The following STK25 variants were observed in gnomAD, a reference collection of about 807,000 sequenced individuals.
The protein encoded by STK25 is serine/threonine kinase 25.
Under a neutral mutation model 53.8 loss-of-function variants are expected in STK25, and 29 were observed. The observed-to-expected ratio is 0.54, with a 90% CI of 0.40 to 0.74. The LOEUF (loss-of-function observed/expected upper bound fraction) is 0.74, where lower values mean the gene tolerates loss of function less well. STK25 is among the 30% of genes least tolerant of loss of function. The pLI is 0.00. For synonymous variants in STK25, 247 were observed against 238.3 expected (o/e 1.04, Z -0.33); for missense variants, 420 against 568.0 (o/e 0.74, Z 2.65).
intron 1 of STK25, 48 bp downstream of exon 1, chr2:241,508,395 T>C: frequency 1.2e-6 from 1 of 867,434 alleles, no homozygotes; most frequent in Non-Finnish European, 1.4e-6. Context: ...CCCCTCCCTC[T>C]GCCCCCTCCC....
In STK25 at chr2:241,497,958, G is replaced by GC. The variant is rs2065273152; in HGVS notation, c.1033-272dup. The stretch of plus-strand genomic sequence containing the variant: ...CTCCCACCCTCTCCTGACTCTGAGG[G>GC]CTTGTGACTCCCACCCTCTCCTGAC... On this transcript the variant is annotated intron_variant, in intron 9 of 11. Coordinates refer to ENST00000316586, the MANE Select transcript of STK25 (RefSeq NM_001271977.2). Among the ~76,000 whole-genome samples the GC allele has an allele frequency of 9.3e-5, 12 of 128,638 alleles. 1 individual carries two copies. The highest frequency in any genetic ancestry group is 4.0e-4 in the Admixed American group (4 of 10,080). 84.4% of individuals were successfully genotyped at this position (128,638 alleles called of 152,430 possible). A position where few individuals can be genotyped will look rare whatever the true frequency, so the allele number is the denominator to read the frequency against.
chr2:241,508,289 C>CTCGCCGCCCCTCCCG (rs1262929292), intron 1 of STK25, 154 bp from the exon 2 acceptor site: 227 of 1,266,768 alleles, frequency 1.8e-4, no homozygotes, highest in Admixed American at 3.0e-4. Context: ...CTCCCGGGGG[C>CTCGCCGCCCCTCCCG]TCGCCGCCCC....
Position 241,495,336 on chromosome 2 carries a change from C to A in STK25, c.*326G>T, listed in dbSNP as rs563094650. ...TGCTCTGCGCCTTGGTCTGAGCGGC[C>A]ATAGGGCTGCATGAGTCTGCAGAAG... On this transcript the variant is annotated 3_prime_UTR_variant, in exon 12 of 12. Transcript: ENST00000316586. The A allele has an allele frequency of 5.5e-5, 18 of 328,270 alleles. No individual in the cohort carries two copies. The South Asian group carries it at 7.7e-4, about 14-fold the overall frequency. The allele number at this position is 328,270 out of a possible 1,614,324, so 20.3% of individuals were successfully genotyped here.
chr2:241,504,455 G>A (rs539551205), intron 2 of STK25, among the ~76,000 whole-genome samples: 58 of 152,260 alleles, frequency 3.8e-4, no homozygotes, highest in Middle Eastern at 3.4e-3. Context: ...GGGTCATTCC[G>A]GTCAAGGTGA....
chr2:241,500,430 T>C, intron 4 of STK25, 149 bp from the exon 5 acceptor site: 1 of 641,012 alleles, frequency 1.6e-6, no homozygotes. Flanking sequence ...AAGTTTCAGA[T>C]GGGAGTGGGG....
upstream of STK25, chr2:241,508,760 C>A: frequency 1.0e-6 from 1 of 985,192 alleles, no homozygotes; most frequent in Non-Finnish European, 1.2e-6. Flanking sequence ...CTCTCTGGGA[C>A]CCCTAGTCCT....
At position 241,499,043 on chromosome 2, in the gene STK25, G is replaced by A. The variant is rs754822121; in HGVS notation, c.717C>T (p.His239=). ...CCACGAACTCCTTGAAGGGCTTGCT[G>A]TGCTGGCCCTCCAGTGTGGGTGGGC... ...KNSPPTLEGQ[H]SKPFKEFVEA... Residue 239 remains histidine (H), a synonymous_variant, in exon 7 of 12, where the codon CAC becomes CAT. Coordinates refer to ENST00000316586, the MANE Select transcript of STK25 (RefSeq NM_001271977.2). 7 of 1,613,998 alleles carry A rather than the reference G, an allele frequency of 4.3e-6. No individual in the cohort carries two copies. In the Admixed American group the frequency reaches 5.0e-5, roughly 12 times the overall value.
chr2:241,508,279 C>A, intron 1 of STK25, 144 bp from the exon 2 acceptor site: 2 of 1,275,836 alleles, frequency 1.6e-6, no homozygotes, highest in Non-Finnish European at 9.9e-7. Flanking sequence ...AACGCCCAGG[C>A]TCCCGGGGGC....
intron 9 of STK25, 24 bp downstream of exon 9, chr2:241,498,211 G>A (rs1369942584): frequency 6.2e-7 from 1 of 1,604,972 alleles, no homozygotes; most frequent in Admixed American, 1.7e-5. Context: ...TGCACAGAGG[G>A]CAAAGGCCAG....
rs1360737092 is a variant in STK25 at position 241,499,264 on chromosome 2, T to A, written c.578A>T (p.Asp193Val). ...APEVIKQSAYDFKADIWSLGI... is the reference protein window; with the variant it reads ...APEVIKQSAYVFKADIWSLGI... The stretch of plus-strand genomic sequence containing the variant: ...CCCGCCCGCTGCACCCACCTTGAAG[T>A]CGTAGGCCGACTGCTTGATGACCTC... Residue 193 changes from aspartate (D) to valine (V), a missense_variant, in exon 6 of 12, where the codon GAC becomes GTC. Coordinates refer to ENST00000316586, the MANE Select transcript of STK25 (RefSeq NM_001271977.2). 2 of 1,613,784 alleles carry A rather than the reference T, an allele frequency of 1.2e-6. No homozygotes were observed. The highest frequency in any genetic ancestry group is 1.7e-6 in the Non-Finnish European group (2 of 1,179,970).
intron 1 of STK25, 63 bp downstream of exon 1, chr2:241,508,380 C>CT: frequency 8.9e-7 from 1 of 1,120,026 alleles, no homozygotes; most frequent in Non-Finnish European, 1.1e-6. Context: ...GAGCCCCGCC[C>CT]CGGGCCCCTC....
chr2:241,499,190 G>C lies in STK25; in HGVS notation c.586-16C>G, dbSNP rs1405952093. On this transcript the variant is annotated splice_polypyrimidine_tract_variant and intron_variant, in intron 6 of 11. Transcript: ENST00000316586. ...AGATGTCAGCCTGGACAGAACACAA[G>C]GACTGTTGCTGCCCTGAGCACCCGA... 2 of 1,613,806 alleles carry C rather than the reference G, an allele frequency of 1.2e-6. No homozygotes were observed. Among genetic ancestry groups the C allele is most frequent in the Admixed American group, 3.3e-5 (2 of 60,014 alleles).
chr2:241,493,589 A>T lies in STK25; in HGVS notation c.*2073T>A. On this transcript the variant is annotated 3_prime_UTR_variant, in exon 12 of 12. Transcript: ENST00000316586. The stretch of plus-strand genomic sequence containing the variant: ...GCTTCCAGCATTTCCAAAAAACAGC[A>T]ATGCTTTGTTTTTTTTTTTTTTGGA... The T allele has an allele frequency of 1.5e-6, 1 of 686,146 alleles. No individual in the cohort carries two copies. The highest frequency in any genetic ancestry group is 2.4e-6 in the Non-Finnish European group (1 of 415,194). The allele number at this position is 686,146 out of a possible 1,614,324, so 42.5% of individuals were successfully genotyped here. A position where few individuals can be genotyped will look rare whatever the true frequency, so the allele number is the denominator to read the frequency against.
At position 241,493,175 on chromosome 2, in the gene STK25, A is replaced by C. The variant is rs555412806; in HGVS notation, c.*2487T>G. On this transcript the variant is annotated 3_prime_UTR_variant, in exon 12 of 12. Coordinates refer to ENST00000316586, the MANE Select transcript of STK25 (RefSeq NM_001271977.2). ...CACCCTGTGCTGTGTGAACAGGGAA[A>C]CTGGCTCCCTTGGCCCGTGGGCATT... The C allele has an allele frequency of 7.8e-7, 1 of 1,284,346 alleles. No homozygotes were observed. Among genetic ancestry groups the C allele is most frequent in the Admixed American group, 1.8e-5 (1 of 54,404 alleles). The allele number at this position is 1,284,346 out of a possible 1,614,324, so 79.6% of individuals were successfully genotyped here. A position where few individuals can be genotyped will look rare whatever the true frequency, so the allele number is the denominator to read the frequency against.
Position 241,498,209 on chromosome 2 carries a change from G to C in STK25, c.1032+26C>G, listed in dbSNP as rs371116611. On this transcript the variant is annotated intron_variant, in intron 9 of 11. Transcript: ENST00000316586. ...TCCCACGGCCCCAGGGGTGCACAGA[G>C]GGCAAAGGCCAGGCCAGGAACAGAC... 3 of 1,603,092 alleles carry C rather than the reference G, an allele frequency of 1.9e-6. No individual in the cohort carries two copies. In the African/African-American group the frequency reaches 4.0e-5, roughly 21 times the overall value.
At position 241,501,560 on chromosome 2, in the gene STK25, A is replaced by AT; in HGVS notation, c.178dup (p.Ile60AsnfsTer49). 2 of 1,614,082 alleles carry AT rather than the reference A, an allele frequency of 1.2e-6. No individual in the cohort carries two copies. The highest frequency in any genetic ancestry group is 1.7e-6 in the Non-Finnish European group (2 of 1,180,028). On this transcript the variant is annotated frameshift_variant, in exon 3 of 12. Transcript: ENST00000316586. LOFTEE classifies it high-confidence loss of function. The surrounding 1 kb of genome is among the most constrained non-coding windows in gnomAD (Gnocchi z 5.3). ...AGTGATCTCCTGCTGGATGTCCTCG[A>AT]TCTCATCCTCGGCCTCCTCCAGGTC...
chr2:241,509,406 G>C (rs1463470449), upstream of STK25: 3 of 152,334 alleles, frequency 2.0e-5, no homozygotes, highest in Non-Finnish European at 4.4e-5. Context: ...TGGGCCGCCA[G>C]GTCATAGTGC....
intron 3 of STK25, 61 bp from the exon 4 acceptor site, chr2:241,500,857 G>T: frequency 6.4e-7 from 1 of 1,569,444 alleles, no homozygotes; most frequent in African/African-American, 1.4e-5. Context: ...GCTCCAGGGT[G>T]GGAGTCACAG....
Position 241,496,368 on chromosome 2 carries a change from TC to T in STK25, c.1241+29del. The T allele has an allele frequency of 1.2e-6, 2 of 1,600,332 alleles. No homozygotes were observed. Among genetic ancestry groups the T allele is most frequent in the Non-Finnish European group, 8.5e-7 (1 of 1,171,066 alleles). On this transcript the variant is annotated intron_variant, in intron 11 of 11. Transcript: ENST00000316586. This position sits in a 1 kb window ranked among gnomAD's most constrained non-coding sequence, Gnocchi z 5.8. The stretch of plus-strand genomic sequence containing the variant: ...GTCCAGCTTCTTGGTGGGGGTGCTC[TC>T]CCCGACCCTATGGCACGGCCGCCCT...
Sources: gnomAD v4.1 joint callset for allele counts (sites outside exome capture counted in the v4.1 genomes callset) on GRCh38, gnomAD v4.1.1 for gene constraint, Gnocchi (gnomAD v3.1) non-coding constraint, MANE v1.5 for transcripts, NCBI Gene and HGNC (gene_info 2026-07-23, HGNC 2026-07-21) for gene names.